DAAM1: variants seen among roughly 807,000 people sequenced by gnomAD.
DAAM1 encodes disheveled-associated activator of morphogenesis 1.
A neutral mutation model predicts 130.0 loss-of-function variants in DAAM1; 52 were observed. The ratio of observed to expected loss-of-function variants is 0.40; its 90% CI spans 0.32 to 0.50. The LOEUF (loss-of-function observed/expected upper bound fraction) is 0.50, where lower values mean the gene tolerates loss of function less well. Ranked by LOEUF, DAAM1 falls within the 20% of genes least tolerant of loss-of-function variation. The probability of loss-of-function intolerance (pLI) is 0.61; values close to 1 mark genes in which losing one functional copy is unlikely to be tolerated. For synonymous variants in DAAM1, 452 were observed against 444.5 expected, an observed-to-expected ratio of 1.02 and a Z score of -0.21; for missense variants, 1,134 against 1,303.8, an observed-to-expected ratio of 0.87 and a Z score of 2.01.
intron 3 of DAAM1, among the ~76,000 whole-genome samples, chr14:59,299,190 A>G (rs17833942): frequency 0.065 from 9,933 of 152,242 alleles, 419 homozygotes; most frequent in Non-Finnish European, 0.097. Flanking sequence ...GTTCCAAACT[A>G]TAGTATGATG....
intron 4 of DAAM1, among the ~76,000 whole-genome samples, chr14:59,316,895 A>G (rs1238647971): frequency 6.6e-6 from 1 of 152,110 alleles, no homozygotes; most frequent in African/African-American, 2.4e-5. Context: ...TACTGTATGG[A>G]TTTTTCCTTT....
chr14:59,308,346 G>T (rs1884448624), intron 3 of DAAM1, among the ~76,000 whole-genome samples: 1 of 152,178 alleles, frequency 6.6e-6, no homozygotes, highest in African/African-American at 2.4e-5. Flanking sequence ...TTGTAAAAGG[G>T]AAGATTTGGG....
At chr14:59,270,090 G>T (rs1393922874) in intron 2 of DAAM1, among the ~76,000 whole-genome samples, 1 of 152,166 alleles carries the variant, frequency 6.6e-6, no homozygotes, top group Non-Finnish European at 1.5e-5. Flanking sequence ...TAAATTTACA[G>T]AAATAACCAT....
intron 15 of DAAM1, chr14:59,338,279 A>T (rs1320198883): frequency 1.8e-6 from 2 of 1,116,870 alleles, no homozygotes; most frequent in Non-Finnish European, 2.7e-6. Context: ...CTCTTACCCT[A>T]CATCACTTGT....
chr14:59,357,577 G>A (rs979326880), intron 20 of DAAM1, among the ~76,000 whole-genome samples: 3 of 152,166 alleles, frequency 2.0e-5, no homozygotes, highest in African/African-American at 4.8e-5. Context: ...AGGAGATGGA[G>A]ACCATCCTGG....
chr14:59,282,464 A>G (rs911652731), intron 2 of DAAM1, among the ~76,000 whole-genome samples: 8 of 152,174 alleles, frequency 5.3e-5, no homozygotes, highest in African/African-American at 1.9e-4. Context: ...AGGTTACGTA[A>G]GCCATAAAGC....
rs1263994287 is a variant in DAAM1, at chr14:59,330,496, T to C, written c.1373-5T>C. ...GTTTTCATGTCCAATTGTTTTCTCG[T>C]GTAGAGCACAATGAGCTACAACAGA... On this transcript the variant is annotated splice_polypyrimidine_tract_variant and splice_region_variant and intron_variant, in intron 12 of 24. Coordinates refer to ENST00000360909, the MANE Select transcript of DAAM1 (RefSeq NM_001270520.2). 11 of 1,596,192 alleles carry C rather than the reference T, an allele frequency of 6.9e-6. No homozygotes were observed. Among genetic ancestry groups the C allele is most frequent in the African/African-American group, 2.7e-5 (2 of 73,774 alleles).
intron 2 of DAAM1, among the ~76,000 whole-genome samples, chr14:59,266,561 C>T (rs544959311): frequency 7.9e-5 from 12 of 152,358 alleles, no homozygotes; most frequent in African/African-American, 2.9e-4. Flanking sequence ...CAAACCAGAA[C>T]TTTAAGCTGA....
At chr14:59,302,380 T>A (rs1884207444) in intron 3 of DAAM1, among the ~76,000 whole-genome samples, 1 of 152,208 alleles carries the variant, frequency 6.6e-6, no homozygotes, top group African/African-American at 2.4e-5. Flanking sequence ...GACAACCCAA[T>A]TAATGGGGAG....
chr14:59,218,928 T>A (rs1240006393), intron 1 of DAAM1, among the ~76,000 whole-genome samples: 2 of 152,164 alleles, frequency 1.3e-5, no homozygotes, highest in African/African-American at 4.8e-5. Context: ...ATATGACTGA[T>A]ATGCAAGGGC....
chr14:59,230,994 C>A (rs1189680526), intron 1 of DAAM1, among the ~76,000 whole-genome samples: 2 of 152,164 alleles, frequency 1.3e-5, no homozygotes, highest in African/African-American at 4.8e-5. Context: ...CTGTCAATGT[C>A]TTATGCTGCT....
chr14:59,216,858 C>T (rs1263577017), intron 1 of DAAM1, among the ~76,000 whole-genome samples: 2 of 151,662 alleles, frequency 1.3e-5, no homozygotes, highest in Non-Finnish European at 2.9e-5. Context: ...GGCTTAGTTA[C>T]CTCAATTGGA....
At chr14:59,215,973 A>C (rs995040446) in intron 1 of DAAM1, among the ~76,000 whole-genome samples, 5 of 152,112 alleles carry the variant, frequency 3.3e-5, no homozygotes, top group Admixed American at 6.6e-5. Flanking sequence ...CATATGAATG[A>C]CAGGCTTGTT....
At chr14:59,309,424 C>T (rs1884493390) in intron 3 of DAAM1, among the ~76,000 whole-genome samples, 1 of 152,334 alleles carries the variant, frequency 6.6e-6, no homozygotes, top group African/African-American at 2.4e-5. Flanking sequence ...CAGCTTGATA[C>T]ATGAAAAATA....
intron 3 of DAAM1, among the ~76,000 whole-genome samples, chr14:59,312,265 G>A (rs1274989660): frequency 6.6e-6 from 1 of 152,200 alleles, no homozygotes; most frequent in Admixed American, 6.5e-5. Flanking sequence ...CTCTGGAACA[G>A]TATCATTATT....
chr14:59,273,398 G>A (rs1049208584), intron 2 of DAAM1, among the ~76,000 whole-genome samples: 1 of 152,172 alleles, frequency 6.6e-6, no homozygotes, highest in African/African-American at 2.4e-5. Flanking sequence ...GGAGCATGAA[G>A]AGGTGGAGGA....
At chr14:59,289,324 C>T (rs1883613088) in intron 2 of DAAM1, among the ~76,000 whole-genome samples, 1 of 152,160 alleles carries the variant, frequency 6.6e-6, no homozygotes, top group South Asian at 2.1e-4. Context: ...CCAGGCCCCT[C>T]CCCTGACACA....
At chr14:59,220,583 G>T (rs1888738125) in intron 1 of DAAM1, among the ~76,000 whole-genome samples, 1 of 152,166 alleles carries the variant, frequency 6.6e-6, no homozygotes, top group African/African-American at 2.4e-5. Flanking sequence ...ATTGTAGGAA[G>T]GCCAAGGAGT....
intron 1 of DAAM1, among the ~76,000 whole-genome samples, chr14:59,221,764 G>T (rs1211483930): frequency 6.6e-6 from 1 of 152,224 alleles, no homozygotes; most frequent in Non-Finnish European, 1.5e-5. Flanking sequence ...GGCATGAGGA[G>T]CCCAAAGTGG....
Sources: allele counts gnomAD v4.1 joint callset (sites outside exome capture counted in the v4.1 genomes callset), GRCh38; gene constraint gnomAD v4.1.1; transcripts MANE v1.5; gene names NCBI Gene and HGNC (gene_info 2026-07-23, HGNC 2026-07-21).